RHOBTB3: variants seen among roughly 807,000 people sequenced by gnomAD.
The protein encoded by RHOBTB3 is rho-related BTB domain-containing protein 3.
RHOBTB3 carries 47 observed loss-of-function variants against 67.2 expected under a neutral mutation model. That is an observed-to-expected ratio of 0.70 (90% CI 0.55 to 0.89). The LOEUF (loss-of-function observed/expected upper bound fraction) is 0.89, where lower values mean the gene tolerates loss of function less well. Ranked by LOEUF, RHOBTB3 falls within the 40% of genes least tolerant of loss-of-function variation. The probability of loss-of-function intolerance (pLI) is 0.00; values close to 1 mark genes in which losing one functional copy is unlikely to be tolerated. For synonymous variants in RHOBTB3, 273 were observed against 274.2 expected (o/e 1.00, Z 0.04); for missense variants, 631 against 750.0 (o/e 0.84, Z 1.85).
At chr5:95,784,487 A>G (rs1451888610) in intron 10 of RHOBTB3, among the ~76,000 whole-genome samples, 1 of 152,058 alleles carries the variant, frequency 6.6e-6, no homozygotes, top group Non-Finnish European at 1.5e-5. Flanking sequence ...TTTTGTTTTC[A>G]TGTCTCACCT....
intron 3 of RHOBTB3, among the ~76,000 whole-genome samples, chr5:95,743,506 C>T (rs551573567): frequency 6.6e-6 from 1 of 152,132 alleles, no homozygotes; most frequent in African/African-American, 2.4e-5. Context: ...TTCAGGAGGC[C>T]TCTTCGGTCC....
chr5:95,776,414 A>T (rs1407812641), intron 8 of RHOBTB3, among the ~76,000 whole-genome samples: 2 of 152,092 alleles, frequency 1.3e-5, no homozygotes, highest in Non-Finnish European at 2.9e-5. Context: ...TCAAAGAAAA[A>T]TAAAAATAAA....
At chr5:95,767,179 C>G (rs986582838) in intron 7 of RHOBTB3, among the ~76,000 whole-genome samples, 1 of 151,928 alleles carries the variant, frequency 6.6e-6, no homozygotes, top group Non-Finnish European at 1.5e-5. Flanking sequence ...CCATTGCACT[C>G]TAGCCTGGGC....
chr5:95,763,984 A>T (rs1685415200), intron 7 of RHOBTB3, among the ~76,000 whole-genome samples: 3 of 151,974 alleles, frequency 2.0e-5, no homozygotes, highest in South Asian at 4.2e-4. Flanking sequence ...TAATTTTTAA[A>T]TTTTTTGTAG....
intron 8 of RHOBTB3, among the ~76,000 whole-genome samples, chr5:95,776,666 G>A (rs1053085032): frequency 6.6e-6 from 1 of 152,172 alleles, no homozygotes; most frequent in Non-Finnish European, 1.5e-5. Context: ...TAGTGCCATG[G>A]GTCAGAAAGG....
At chr5:95,783,242 C>A (rs1436282546) in intron 9 of RHOBTB3, among the ~76,000 whole-genome samples, 1 of 151,894 alleles carries the variant, frequency 6.6e-6, no homozygotes, top group Non-Finnish European at 1.5e-5. Flanking sequence ...CTGCCTCAGC[C>A]TCCCCAGTAG....
intron 10 of RHOBTB3, among the ~76,000 whole-genome samples, chr5:95,786,002 C>G (rs896433318): frequency 2.0e-5 from 3 of 152,160 alleles, no homozygotes; most frequent in Non-Finnish European, 4.4e-5. Flanking sequence ...TTATCCTTAT[C>G]TTTTCCCCTT....
chr5:95,735,705 G>C (rs930151433), intron 2 of RHOBTB3, among the ~76,000 whole-genome samples: 5 of 152,176 alleles, frequency 3.3e-5, no homozygotes, highest in African/African-American at 1.2e-4. Flanking sequence ...ACTAGAATGT[G>C]AGAAGAAAAC....
chr5:95,770,238 T>A, intron 8 of RHOBTB3: 1 of 299,900 alleles, frequency 3.3e-6, no homozygotes, highest in Non-Finnish European at 6.9e-6. Flanking sequence ...TAACAAGTGA[T>A]GTCAAAACTA....
At chr5:95,775,939 T>C (rs111846247) in intron 8 of RHOBTB3, among the ~76,000 whole-genome samples, 2,963 of 152,280 alleles carry the variant, frequency 0.019, 82 homozygotes, top group African/African-American at 0.064. Context: ...AGTCTTAAGA[T>C]AAACTTACAA....
intron 8 of RHOBTB3, chr5:95,770,275 G>T: frequency 3.4e-6 from 1 of 294,172 alleles, no homozygotes; most frequent in Non-Finnish European, 7.0e-6. Flanking sequence ...AGTTACAGAT[G>T]CCCTTAATGC....
At chr5:95,777,356 A>T (rs947749920) in intron 8 of RHOBTB3, among the ~76,000 whole-genome samples, 7 of 152,390 alleles carry the variant, frequency 4.6e-5, no homozygotes, top group African/African-American at 1.7e-4. Context: ...TTTAGTAAAC[A>T]GTCAAAGATT....
chr5:95,773,686 A>G (rs551780468), intron 8 of RHOBTB3, among the ~76,000 whole-genome samples: 1 of 152,342 alleles, frequency 6.6e-6, no homozygotes, highest in East Asian at 1.9e-4. Flanking sequence ...TTCTTGCACT[A>G]CTTGCAGGGT....
At chr5:95,754,183 T>A (rs1350883272) in intron 5 of RHOBTB3, among the ~76,000 whole-genome samples, 1 of 152,222 alleles carries the variant, frequency 6.6e-6, no homozygotes, top group Non-Finnish European at 1.5e-5. Context: ...CTTTCAAAAG[T>A]GTCTCTTCAG....
chr5:95,783,604 GA>G (rs1330049560), intron 9 of RHOBTB3, 192 bp from the exon 10 acceptor site: 9 of 244,278 alleles, frequency 3.7e-5, no homozygotes, highest in Middle Eastern at 1.1e-3. Context: ...AGAAAGGAAA[GA>G]AAAAAAAGAT....
At chr5:95,767,930 G>T (rs774846072) in intron 7 of RHOBTB3, 116 bp from the exon 8 acceptor site, 1 of 974,490 alleles carries the variant, frequency 1.0e-6, no homozygotes. Flanking sequence ...ATGTCATAGA[G>T]TAGGGAATCA....
rs189610868 is a variant in RHOBTB3 at position 95,718,386 on chromosome 5, T to C, written n.133+621T>C. On this transcript the variant is annotated intron_variant and non_coding_transcript_variant, in intron 1 of 5. Transcript: ENST00000504949. ...CCTGAAATCAGATAAGGCATTCTTA[T>C]TGAATTTTGACTGGAGGAAAAAGTA... 7.9e-5 allele frequency among the ~76,000 whole-genome samples: 12 copies of C among 152,346 alleles called. No individual in the cohort carries two copies. In the East Asian group the frequency reaches 1.3e-3, roughly 17 times the overall value.
intron 2 of RHOBTB3, among the ~76,000 whole-genome samples, chr5:95,735,878 AC>A (rs1755442905): frequency 6.6e-6 from 1 of 152,200 alleles, no homozygotes; most frequent in African/African-American, 2.4e-5. Context: ...AAGTGGGCAG[AC>A]TGCCTGAGCT....
chr5:95,776,846 C>T lies in RHOBTB3; in HGVS notation c.1283-3406C>T, dbSNP rs184471520. Among the ~76,000 whole-genome samples the T allele has an allele frequency of 6.5e-4, 99 of 152,320 alleles. 1 individual carries two copies. Among genetic ancestry groups the T allele is most frequent in the Admixed American group, 6.4e-3 (98 of 15,298 alleles). ...GCATACAAAGGACTAGCAGAGGCTT[C>T]ACCTGCAGACTCCACTCCTCTTCAC... On this transcript the variant is annotated intron_variant, in intron 8 of 11. Transcript: ENST00000379982.
Sources: gnomAD v4.1 joint callset for allele counts (sites outside exome capture counted in the v4.1 genomes callset) on GRCh38, gnomAD v4.1.1 for gene constraint, MANE v1.5 for transcripts, NCBI Gene and HGNC (gene_info 2026-07-23, HGNC 2026-07-21) for gene names.